Variants in CDC42BPA observed in about 807,000 individuals in gnomAD.
CDC42BPA encodes the protein serine/threonine-protein kinase MRCK alpha.
CDC42BPA carries 80 observed loss-of-function variants against 223.5 expected under a neutral mutation model. That is an observed-to-expected ratio of 0.36 (90% confidence interval 0.30 to 0.43). The LOEUF (loss-of-function observed/expected upper bound fraction) is 0.43, where lower values mean the gene tolerates loss of function less well. Ranked by LOEUF, CDC42BPA falls within the 20% of genes least tolerant of loss-of-function variation. The probability of loss-of-function intolerance (pLI) is 1.00; values close to 1 mark genes in which losing one functional copy is unlikely to be tolerated. For missense variants in CDC42BPA, 1,743 were observed against 2,099.9 expected (o/e 0.83, Z 3.32); for synonymous variants, 694 against 718.6 (o/e 0.97, Z 0.55).
At chr1:227,142,865 G>A (rs987492121) in intron 9 of CDC42BPA, 80 bp downstream of exon 9, 9 of 869,446 alleles carry the variant, frequency 1.0e-5, no homozygotes, top group African/African-American at 3.6e-5. Flanking sequence ...TGATACACCT[G>A]TCTTGGCCTC....
intron 15 of CDC42BPA, among the ~76,000 whole-genome samples, chr1:227,097,648 T>C (rs1684256751): frequency 6.6e-6 from 1 of 151,826 alleles, no homozygotes; most frequent in African/African-American, 2.4e-5. Context: ...GACTCAGGAG[T>C]TAGGCAAGTG....
At chr1:227,030,086 T>A (rs1668981949) in intron 29 of CDC42BPA, among the ~76,000 whole-genome samples, 1 of 151,290 alleles carries the variant, frequency 6.6e-6, no homozygotes, top group Admixed American at 6.6e-5. Flanking sequence ...TGAGCCGAGT[T>A]CGTGCCACTG....
intron 5 of CDC42BPA, among the ~76,000 whole-genome samples, chr1:227,188,778 G>A (rs1048724835): frequency 2.6e-5 from 4 of 152,082 alleles, no homozygotes; most frequent in Admixed American, 2.6e-4. Context: ...GCGGATACAC[G>A]TTGTTCTGCA....
In CDC42BPA at chr1:227,066,532, C is replaced by T. The variant is rs566739120; in HGVS notation, c.2904+3245G>A. On this transcript the variant is annotated intron_variant, in intron 21 of 36. Coordinates refer to ENST00000366766, the MANE Select transcript of CDC42BPA (RefSeq NM_001394014.1). ...GATTGAATACTGCTGTTCAAAACAT[C>T]ATTCTGCTATGACTTTGAGGATCAA... 2.6e-5 allele frequency among the ~76,000 whole-genome samples: 4 copies of T among 152,252 alleles called. No individual in the cohort carries two copies. The South Asian group carries it at 8.3e-4, about 32-fold the overall frequency.
chr1:227,174,901 A>G (rs949991956), intron 5 of CDC42BPA, among the ~76,000 whole-genome samples: 11 of 152,200 alleles, frequency 7.2e-5, no homozygotes, highest in African/African-American at 2.7e-4. Context: ...GAGAGATTCT[A>G]CGCAACAGAA....
intron 1 of CDC42BPA, among the ~76,000 whole-genome samples, chr1:227,279,805 C>T (rs1230722042): frequency 6.6e-6 from 1 of 151,964 alleles, no homozygotes; most frequent in Non-Finnish European, 1.5e-5. Flanking sequence ...ACTTGTAATC[C>T]CAGCACTTTG....
intron 26 of CDC42BPA, among the ~76,000 whole-genome samples, chr1:227,034,111 G>T (rs1183744532): frequency 6.6e-6 from 1 of 152,182 alleles, no homozygotes; most frequent in Non-Finnish European, 1.5e-5. Context: ...ATACAAGTCT[G>T]GGAGTCATCA....
intron 35 of CDC42BPA, among the ~76,000 whole-genome samples, chr1:227,003,186 G>A (rs1663234867): frequency 6.6e-6 from 1 of 152,162 alleles, no homozygotes; most frequent in African/African-American, 2.4e-5. Flanking sequence ...TTCAAAATAT[G>A]TAACATTCGA....
At chr1:227,301,869 A>G (rs1379600156) in intron 1 of CDC42BPA, among the ~76,000 whole-genome samples, 51 of 152,120 alleles carry the variant, frequency 3.4e-4, no homozygotes. Flanking sequence ...ATAAATATTA[A>G]GTGTTTCCAT....
intron 10 of CDC42BPA, among the ~76,000 whole-genome samples, chr1:227,136,498 A>G (rs1558582923): frequency 6.6e-6 from 1 of 152,254 alleles, no homozygotes; most frequent in Admixed American, 6.5e-5. Flanking sequence ...AGAATTTTGC[A>G]AAACTGATAA....
chr1:227,245,014 G>C (rs1406820895), intron 2 of CDC42BPA, among the ~76,000 whole-genome samples: 2 of 152,186 alleles, frequency 1.3e-5, no homozygotes, highest in East Asian at 3.9e-4. Flanking sequence ...AAGTCAGAAC[G>C]AGTTTCCCAG....
chr1:227,135,797 TGAACCGAGATCACACC>T (rs1481159817), intron 10 of CDC42BPA, among the ~76,000 whole-genome samples: 1 of 133,666 alleles, frequency 7.5e-6, no homozygotes, highest in African/African-American at 2.8e-5. Flanking sequence ...GAGGTTGCAG[TGAACCGAGATCACACC>T]ACTGCACTCC....
chr1:227,293,135 T>C (rs114600383), intron 1 of CDC42BPA, among the ~76,000 whole-genome samples: 2,107 of 152,290 alleles, frequency 0.014, 27 homozygotes, highest in Non-Finnish European at 0.02. Flanking sequence ...CAAATAAATA[T>C]TTATTGAGTG....
At chr1:227,231,131 C>T (rs920478088) in intron 2 of CDC42BPA, among the ~76,000 whole-genome samples, 4 of 128,586 alleles carry the variant, frequency 3.1e-5, no homozygotes, top group Non-Finnish European at 6.6e-5. Context: ...GCTATCCCTC[C>T]TCCCTCCCCC....
At chr1:227,233,035 C>T (rs563985055) in intron 2 of CDC42BPA, among the ~76,000 whole-genome samples, 2 of 152,206 alleles carry the variant, frequency 1.3e-5, no homozygotes, top group South Asian at 4.1e-4. Context: ...GAGCGAGGCT[C>T]CATGGGCGTG....
At chr1:227,210,672 C>T (rs1224728710) in intron 3 of CDC42BPA, among the ~76,000 whole-genome samples, 1 of 152,258 alleles carries the variant, frequency 6.6e-6, no homozygotes, top group East Asian at 1.9e-4. Flanking sequence ...AAAGTATAAA[C>T]TTTAATTCAA....
chr1:227,142,900 G>A, intron 9 of CDC42BPA, 45 bp downstream of exon 9: 1 of 1,333,614 alleles, frequency 7.5e-7, no homozygotes, highest in East Asian at 2.7e-5. Context: ...TTACAGGCGT[G>A]AGCCACTGCA....
intron 12 of CDC42BPA, 65 bp downstream of exon 12, chr1:227,119,739 A>C (rs1688328452): frequency 1.9e-6 from 2 of 1,072,868 alleles, no homozygotes; most frequent in Admixed American, 2.9e-5. Context: ...GAATGCTTTC[A>C]GTATTCTTAT....
chr1:227,112,792 T>G lies in CDC42BPA; in HGVS notation c.1769A>C (p.His590Pro), dbSNP rs776206014. The G allele has an allele frequency of 6.2e-7, 1 of 1,614,142 alleles. No homozygotes were observed. The highest frequency in any genetic ancestry group is 1.3e-5 in the African/African-American group (1 of 75,044). The change falls in exon 13 of 37, where the codon CAC becomes CCC. Residue 590 changes from histidine to proline, a missense_variant. Physicochemically the swap from His to Pro is moderately conservative, Grantham distance 77. This residue lies in a region of CDC42BPA where 464 missense variants were observed against 488.0 expected (regional missense o/e 0.95). Coordinates refer to ENST00000366766, the MANE Select transcript of CDC42BPA (RefSeq NM_001394014.1). ...MEINERLTEL[H>P]TQKQKLARHV... ...GCGAGCAAGTTTCTGTTTTTGGGTG[T>G]GCAATTCTGTTAGCCGCTCATTGAT...
Sources: gnomAD v4.1 joint callset for allele counts (sites outside exome capture counted in the v4.1 genomes callset) on GRCh38, gnomAD v4.1.1 for gene constraint, gnomAD v4.1.1 regional missense constraint, MANE v1.5 for transcripts, NCBI Gene and HGNC (gene_info 2026-07-23, HGNC 2026-07-21) for gene names.